CGGBP1: variants seen among roughly 807,000 people sequenced by gnomAD.
The protein encoded by CGGBP1 is CGG triplet repeat-binding protein 1.
CGGBP1 carries 4 observed loss-of-function variants against 11.4 expected under a neutral mutation model. That is an observed-to-expected ratio of 0.35 (90% CI 0.17 to 0.80). The LOEUF (loss-of-function observed/expected upper bound fraction) is 0.80. CGGBP1 is among the 30% of genes least tolerant of loss of function. CGGBP1 has a pLI of 0.52. For missense variants in CGGBP1, 135 were observed against 202.1 expected (o/e 0.67, Z 2.01); for synonymous variants, 76 against 74.1 (o/e 1.03, Z -0.13).
intron 1 of CGGBP1, chr3:88,142,899 A>C (rs1707199298): frequency 6.6e-6 from 1 of 152,296 alleles, no homozygotes; most frequent in Non-Finnish European, 1.5e-5. Flanking sequence ...TAAAACAATA[A>C]ATATTTTTAA....
Position 88,096,535 on chromosome 3 carries a change from A to G in CGGBP1, c.-228-38312T>C, listed in dbSNP as rs199681334. On this transcript the variant is annotated intron_variant, in intron 2 of 3. Coordinates refer to the CGGBP1 transcript ENST00000462901. ...CCCAAAGACCTTTGTTTTGGAAGAC[A>G]TTTCCACTGATTATTGAATTTTAGA... Among the ~76,000 whole-genome samples, 19 of 152,146 alleles carry G rather than the reference A, an allele frequency of 1.2e-4. No individual in the cohort carries two copies. The East Asian group carries it at 3.5e-3, about 28-fold the overall frequency.
chr3:88,055,408 A>G lies in CGGBP1; in HGVS notation c.*65T>C. 3 of 1,354,936 alleles carry G rather than the reference A, an allele frequency of 2.2e-6. No individual in the cohort carries two copies. In the South Asian group the frequency reaches 5.2e-5, roughly 23 times the overall value. 83.9% of individuals were successfully genotyped at this position (1,354,936 alleles called of 1,614,324 possible). A position where few individuals can be genotyped will look rare whatever the true frequency, so the allele number is the denominator to read the frequency against. ...AATGAAATAAATACAAAAATGAACC[A>G]CACAATCAACACATAACTTTAATAC... is the stretch of plus-strand genomic sequence containing the variant. On this transcript the variant is annotated 3_prime_UTR_variant, in exon 4 of 4. Coordinates refer to ENST00000482016, the MANE Select transcript of CGGBP1 (RefSeq NM_001008390.2). This position sits in a 1 kb window ranked among gnomAD's most constrained non-coding sequence, Gnocchi z 4.2.
intron 2 of CGGBP1, chr3:88,086,480 A>C (rs1708340608): frequency 3.3e-6 from 4 of 1,214,552 alleles, no homozygotes; most frequent in African/African-American, 1.5e-5. Flanking sequence ...ATTTCTTCTG[A>C]AGAAGAAACC....
intron 2 of CGGBP1, among the ~76,000 whole-genome samples, chr3:88,133,535 T>G (rs912290140): frequency 3.3e-5 from 5 of 152,146 alleles, no homozygotes; most frequent in Admixed American, 6.6e-5. Context: ...AAGAGATACT[T>G]GATAGGGCCT....
chr3:88,145,200 G>T (rs1209576436), intron 1 of CGGBP1, among the ~76,000 whole-genome samples: 1 of 152,100 alleles, frequency 6.6e-6, no homozygotes, highest in Non-Finnish European at 1.5e-5. Flanking sequence ...GAGCATGAAG[G>T]CTCCTACTTT....
At chr3:88,131,316 A>G (rs1206716614) in intron 2 of CGGBP1, among the ~76,000 whole-genome samples, 2 of 152,208 alleles carry the variant, frequency 1.3e-5, no homozygotes, top group African/African-American at 2.4e-5. Flanking sequence ...TACACTGCGT[A>G]TAACTGTAGT....
upstream of CGGBP1, among the ~76,000 whole-genome samples, chr3:88,061,060 T>C (rs1706852271): frequency 6.6e-6 from 1 of 152,184 alleles, no homozygotes; most frequent in African/African-American, 2.4e-5. Flanking sequence ...TGGCATTCAC[T>C]GAATTTAGAG....
chr3:88,098,435 T>G (rs1704195116), intron 2 of CGGBP1, among the ~76,000 whole-genome samples: 1 of 152,216 alleles, frequency 6.6e-6, no homozygotes, highest in Admixed American at 6.5e-5. Flanking sequence ...GTTCTCAAAC[T>G]ATTCCAATCA....
chr3:88,089,328 A>G (rs1176788000), intron 2 of CGGBP1, among the ~76,000 whole-genome samples: 1 of 151,620 alleles, frequency 6.6e-6, no homozygotes, highest in East Asian at 2.0e-4. Context: ...TGTCTCTACT[A>G]AAAATACAAA....
At chr3:88,119,278 C>T (rs944201659) in intron 2 of CGGBP1, among the ~76,000 whole-genome samples, 7 of 145,512 alleles carry the variant, frequency 4.8e-5, no homozygotes, top group African/African-American at 1.0e-4. Flanking sequence ...AGTAAACTAT[C>T]GCAAGAACAA....
At chr3:88,129,604 CT>C in intron 2 of CGGBP1, 1 of 1,090,012 alleles carries the variant, frequency 9.2e-7, no homozygotes, top group Non-Finnish European at 1.2e-6. Context: ...TAAGCAATTT[CT>C]CTTGAATGTT....
chr3:88,110,418 C>A (rs1217524175), intron 2 of CGGBP1, among the ~76,000 whole-genome samples: 2 of 152,046 alleles, frequency 1.3e-5, no homozygotes, highest in South Asian at 2.1e-4. Context: ...TGACTCTGTT[C>A]CAGTAATACC....
At chr3:88,057,962 T>C (rs1321261482) in intron 2 of CGGBP1, 57 bp downstream of exon 2, 4 of 152,200 alleles carry the variant, frequency 2.6e-5, no homozygotes, top group Non-Finnish European at 5.9e-5. Context: ...AGAAAAAGCA[T>C]ATCGTTTGCT....
At chr3:88,144,737 CTA>C (rs1261016160) in intron 1 of CGGBP1, 1 of 152,210 alleles carries the variant, frequency 6.6e-6, no homozygotes, top group East Asian at 1.9e-4. Flanking sequence ...ATGAAAATGT[CTA>C]TTATGTCTCA....
intron 2 of CGGBP1, among the ~76,000 whole-genome samples, chr3:88,080,117 CATTTTAT>C (rs970177124): frequency 8.6e-5 from 13 of 151,924 alleles, no homozygotes; most frequent in African/African-American, 3.1e-4. Context: ...AGGCATGTAG[CATTTTAT>C]TTATATTGCT....
At position 88,057,426 on chromosome 3, in the gene CGGBP1, T is replaced by C. The variant is rs373615321; in HGVS notation, c.-125-134A>G. 5 of 152,096 alleles carry C rather than the reference T, an allele frequency of 3.3e-5. No homozygotes were observed. In the East Asian group the frequency reaches 9.6e-4, roughly 29 times the overall value. 9.4% of individuals were successfully genotyped at this position (152,096 alleles called of 1,614,324 possible). A position where few individuals can be genotyped will look rare whatever the true frequency, so the allele number is the denominator to read the frequency against. On this transcript the variant is annotated intron_variant, in intron 2 of 3. Transcript: ENST00000482016. ...TTTGCAACGGCAGAGAAGACAGTTA[T>C]GATTCCTATCTAGTACTTACCATTA...
At chr3:88,094,451 A>T (rs1054210033) in intron 2 of CGGBP1, among the ~76,000 whole-genome samples, 1 of 152,164 alleles carries the variant, frequency 6.6e-6, no homozygotes, top group Non-Finnish European at 1.5e-5. Context: ...GAAAGTGATC[A>T]GGGGAAAAGA....
intron 2 of CGGBP1, among the ~76,000 whole-genome samples, chr3:88,080,271 T>C (rs1438131643): frequency 6.6e-6 from 1 of 152,094 alleles, no homozygotes; most frequent in Non-Finnish European, 1.5e-5. Context: ...TTAATCATAC[T>C]TGGAAACATA....
intron 2 of CGGBP1, among the ~76,000 whole-genome samples, chr3:88,074,451 C>G (rs533046073): frequency 9.9e-5 from 15 of 151,206 alleles, no homozygotes; most frequent in African/African-American, 3.2e-4. Flanking sequence ...AAGCAGCTCT[C>G]CTGCCTCAGC....
Sources: allele counts gnomAD v4.1 joint callset (sites outside exome capture counted in the v4.1 genomes callset), GRCh38; gene constraint gnomAD v4.1.1; non-coding constraint Gnocchi (gnomAD v3.1); transcripts MANE v1.5; gene names NCBI Gene and HGNC (gene_info 2026-07-23, HGNC 2026-07-21).